ANO3: variants seen among roughly 807,000 people sequenced by gnomAD.
ANO3 encodes the protein anoctamin 3.
In ANO3, 99 loss-of-function variants were observed where a neutral mutation model predicts 144.8. The observed-to-expected ratio is 0.68, with a 90% confidence interval of 0.58 to 0.81. ANO3 has a LOEUF of 0.81. Among genes scored for constraint, ANO3 ranks in the 30% least tolerant of loss-of-function variants. The pLI is 0.00. For synonymous variants in ANO3, 414 were observed against 392.6 expected (o/e 1.05, Z -0.64); for missense variants, 905 against 1,202.2 (o/e 0.75, Z 3.66).
chr11:26,646,035 CAGTT>C (rs1035830867), intron 23 of ANO3, among the ~76,000 whole-genome samples: 1 of 152,104 alleles, frequency 6.6e-6, no homozygotes, highest in African/African-American at 2.4e-5. Flanking sequence ...ATAAAGAAAA[CAGTT>C]AGTAATCTTT....
At chr11:26,624,372 T>C (rs1290898664) in intron 17 of ANO3, 90 bp from the exon 18 acceptor site, 2 of 887,094 alleles carry the variant, frequency 2.3e-6, no homozygotes, top group African/African-American at 3.3e-5. Context: ...CTGTATAACA[T>C]ACATTATAGA....
chr11:26,504,069 GTTTTA>G (rs1861311051), intron 4 of ANO3, among the ~76,000 whole-genome samples: 1 of 152,098 alleles, frequency 6.6e-6, no homozygotes, highest in South Asian at 2.1e-4. Flanking sequence ...GAAAATTTGT[GTTTTA>G]TTTTATTTTC....
chr11:26,468,774 C>T (rs1371929399), intron 4 of ANO3, among the ~76,000 whole-genome samples: 1 of 152,038 alleles, frequency 6.6e-6, no homozygotes, highest in South Asian at 2.1e-4. Context: ...ACTAACTTGG[C>T]TCTATATGGC....
At chr11:26,366,142 A>C (rs1323031120) in intron 1 of ANO3, among the ~76,000 whole-genome samples, 1 of 148,948 alleles carries the variant, frequency 6.7e-6, no homozygotes, top group Non-Finnish European at 1.5e-5. Flanking sequence ...TATCCCTCCC[A>C]CCTCCCCTCA....
At chr11:26,603,842 T>G (rs1055751299) in intron 17 of ANO3, among the ~76,000 whole-genome samples, 2 of 152,168 alleles carry the variant, frequency 1.3e-5, no homozygotes, top group Non-Finnish European at 2.9e-5. Context: ...ATTGTAATGG[T>G]ACAGGTTTAG....
intron 14 of ANO3, chr11:26,567,063 G>T (rs1443643755): frequency 1.3e-6 from 2 of 1,509,216 alleles, no homozygotes; most frequent in Non-Finnish European, 1.8e-6. Context: ...ACAATCCCTT[G>T]ATGTGGCAAG....
At chr11:26,482,660 T>C (rs1860269220) in intron 4 of ANO3, among the ~76,000 whole-genome samples, 1 of 152,204 alleles carries the variant, frequency 6.6e-6, no homozygotes, top group African/African-American at 2.4e-5. Context: ...TTTTGCTACA[T>C]GGATATATTG....
chr11:26,324,902 T>C (rs1316070913), intron 1 of ANO3, among the ~76,000 whole-genome samples: 2 of 152,132 alleles, frequency 1.3e-5, no homozygotes, highest in East Asian at 1.9e-4. Context: ...TTTAGTGAAA[T>C]GAATAGGTAT....
intron 1 of ANO3, among the ~76,000 whole-genome samples, chr11:26,210,359 C>G (rs1302294428): frequency 6.6e-6 from 1 of 152,162 alleles, no homozygotes; most frequent in Non-Finnish European, 1.5e-5. Context: ...GTGTTCATAA[C>G]AGTACCATCC....
At chr11:26,473,605 C>T (rs1038334065) in intron 4 of ANO3, among the ~76,000 whole-genome samples, 1 of 61,742 alleles carries the variant, frequency 1.6e-5, no homozygotes, top group African/African-American at 4.2e-5. Context: ...CCTAGTTCAC[C>T]GTTTAAAAAG....
At chr11:26,398,590 C>A (rs1857074077) in intron 1 of ANO3, among the ~76,000 whole-genome samples, 1 of 151,978 alleles carries the variant, frequency 6.6e-6, no homozygotes, top group Non-Finnish European at 1.5e-5. Flanking sequence ...CAAATAGGAT[C>A]TCATAATGTA....
chr11:26,247,289 T>A (rs1852818659), intron 1 of ANO3, among the ~76,000 whole-genome samples: 1 of 152,134 alleles, frequency 6.6e-6, no homozygotes, highest in Non-Finnish European at 1.5e-5. Context: ...CAGTACTATC[T>A]TTTTTTCCAA....
chr11:26,326,961 A>T (rs1044251509), intron 1 of ANO3, among the ~76,000 whole-genome samples: 1 of 152,234 alleles, frequency 6.6e-6, no homozygotes, highest in Admixed American at 6.5e-5. Flanking sequence ...TTACATTCTT[A>T]TGTTGTCAAA....
At chr11:26,360,976 A>C (rs1003014538) in intron 1 of ANO3, among the ~76,000 whole-genome samples, 2 of 152,200 alleles carry the variant, frequency 1.3e-5, no homozygotes, top group African/African-American at 2.4e-5. Context: ...TATTCAGAGA[A>C]GTTCGTGCAT....
rs562526553 is a variant in ANO3, at chr11:26,569,607, A to G, written c.1447+9828A>G. ...CGAAGTTTGACCTCATGCCAACTGA[A>G]CAAAGCACATTGCAAGTGACAGAAG... On this transcript the variant is annotated intron_variant, in intron 14 of 26. Coordinates refer to ENST00000256737, the MANE Select transcript of ANO3 (RefSeq NM_031418.4). Among the ~76,000 whole-genome samples the G allele has an allele frequency of 2.6e-5, 4 of 152,218 alleles. No individual in the cohort carries two copies. In the South Asian group the frequency reaches 8.3e-4, roughly 32 times the overall value.
chr11:26,287,237 A>G (rs1853829304), intron 1 of ANO3: 1 of 152,200 alleles, frequency 6.6e-6, no homozygotes. Flanking sequence ...ACAATATTTA[A>G]TACACAATTA....
intron 14 of ANO3, among the ~76,000 whole-genome samples, chr11:26,577,309 A>T (rs1851012399): frequency 6.6e-6 from 1 of 152,200 alleles, no homozygotes; most frequent in African/African-American, 2.4e-5. Context: ...CACGCCTGTA[A>T]TCCCAGCACT....
At chr11:26,526,787 C>T (rs180970855) in intron 7 of ANO3, among the ~76,000 whole-genome samples, 128 of 152,178 alleles carry the variant, frequency 8.4e-4, no homozygotes, top group African/African-American at 2.6e-3. Context: ...TCAACCGAGT[C>T]ACATTTTTCT....
intron 1 of ANO3, among the ~76,000 whole-genome samples, chr11:26,360,959 A>G (rs1293664928): frequency 6.6e-6 from 1 of 152,176 alleles, no homozygotes; most frequent in Non-Finnish European, 1.5e-5. Context: ...AATTGGTTCT[A>G]GTTGCATATT....
Sources: allele counts gnomAD v4.1 joint callset (sites outside exome capture counted in the v4.1 genomes callset), GRCh38; gene constraint gnomAD v4.1.1; transcripts MANE v1.5; gene names NCBI Gene and HGNC (gene_info 2026-07-23, HGNC 2026-07-21).